The following FAT4 variants were observed in gnomAD, a reference collection of about 807,000 sequenced individuals.
FAT4 encodes the protein protocadherin Fat 4.
In FAT4, 84 loss-of-function variants were observed where a neutral mutation model predicts 303.9. That is an observed-to-expected ratio of 0.28 (90% CI 0.23 to 0.33). The LOEUF (loss-of-function observed/expected upper bound fraction) is 0.33, where lower values mean the gene tolerates loss of function less well. FAT4 is among the 10% of genes least tolerant of loss of function. The pLI, the probability that FAT4 is intolerant of heterozygous loss-of-function variation, is 1.00. For synonymous variants in FAT4, 2,307 were observed against 2,298.8 expected, an observed-to-expected ratio of 1.00 and a Z score of -0.10; for missense variants, 6,005 against 6,146.8, an observed-to-expected ratio of 0.98 and a Z score of 0.77.
intron 5 of FAT4, among the ~76,000 whole-genome samples, chr4:125,410,489 T>C (rs138897510): frequency 1.1e-4 from 17 of 152,304 alleles, no homozygotes; most frequent in Non-Finnish European, 2.4e-4. Flanking sequence ...TTTTAGTTAG[T>C]CTACCTATTC....
chr4:125,403,456 C>CT (rs1434002547), intron 3 of FAT4, among the ~76,000 whole-genome samples: 1 of 152,058 alleles, frequency 6.6e-6, no homozygotes, highest in African/African-American at 2.4e-5. Flanking sequence ...TGCTTCTCTT[C>CT]TTTTTTCCCA....
At chr4:125,347,177 T>G (rs1306503768) in intron 2 of FAT4, among the ~76,000 whole-genome samples, 1 of 151,006 alleles carries the variant, frequency 6.6e-6, no homozygotes. Flanking sequence ...AGATATATAT[T>G]ACCAATCATA....
chr4:125,375,632 C>T (rs1438272332), intron 2 of FAT4, among the ~76,000 whole-genome samples: 1 of 152,170 alleles, frequency 6.6e-6, no homozygotes, highest in Non-Finnish European at 1.5e-5. Context: ...TGGCCTAGTT[C>T]AGTAATTTTC....
At position 125,320,191 on chromosome 4, in the gene FAT4, A is replaced by G. The variant is rs779307316; in HGVS notation, c.3780A>G (p.Ile1260Met). Residue 1260 changes from isoleucine to methionine, a missense_variant, in exon 2 of 18, where the codon ATA becomes ATG. Physicochemically the swap from Ile to Met is conservative, Grantham distance 10. Transcript: ENST00000394329. ...IKGNEERQFA[I>M]DSTSGQVTLI... Reference sequence around the variant, plus strand: ...GAAATGAAGAAAGACAGTTTGCTATAGACAGTACCTCTGGTCAGGTAACAC... The same window carrying G: ...GAAATGAAGAAAGACAGTTTGCTATGGACAGTACCTCTGGTCAGGTAACAC... The G allele has an allele frequency of 3.1e-6, 5 of 1,613,598 alleles. No individual in the cohort carries two copies. In the African/African-American group the frequency reaches 6.7e-5, roughly 22 times the overall value.
intron 2 of FAT4, among the ~76,000 whole-genome samples, chr4:125,392,413 T>TGTTA (rs60954836): frequency 0.06 from 9,178 of 152,224 alleles, 420 homozygotes; most frequent in East Asian, 0.19. Context: ...ATGCATCAGG[T>TGTTA]GTTACTATTT....
chr4:125,335,196 T>C (rs1237405894), intron 2 of FAT4, among the ~76,000 whole-genome samples: 2 of 152,164 alleles, frequency 1.3e-5, no homozygotes, highest in African/African-American at 2.4e-5. Context: ...AGGTGTCTAT[T>C]ATTGTGTTTT....
At chr4:125,416,743 C>G in intron 7 of FAT4, 121 bp downstream of exon 7, 1 of 877,598 alleles carries the variant, frequency 1.1e-6, no homozygotes, top group Non-Finnish European at 1.8e-6. Context: ...GTCGGGAGTT[C>G]AAGACCAGCC....
chr4:125,318,952 G>T lies in FAT4; in HGVS notation c.2541G>T (p.Gln847His), dbSNP rs1488820136. The T allele has an allele frequency of 1.9e-6, 3 of 1,614,184 alleles. No individual in the cohort carries two copies. Among genetic ancestry groups the T allele is most frequent in the African/African-American group, 2.7e-5 (2 of 75,048 alleles). Residue 847 changes from glutamine (Q) to histidine (H), a missense_variant, in exon 2 of 18, where the codon CAG (glutamine) becomes CAT (histidine). Gln to His is a conservative substitution (Grantham distance 24, BLOSUM62 0). Transcript: ENST00000394329. Reference sequence around the variant, plus strand: ...TTGCTATCAACCAGGTCACTGGGCAGCTTACCACAGCAAATGTGATTGATA... The same window carrying T: ...TTGCTATCAACCAGGTCACTGGGCATCTTACCACAGCAAATGTGATTGATA... Reference protein sequence around the residue: ...GMFAINQVTGQLTTANVIDRE... With the variant: ...GMFAINQVTGHLTTANVIDRE...
intron 2 of FAT4, among the ~76,000 whole-genome samples, chr4:125,350,401 A>G (rs1732176214): frequency 6.6e-6 from 1 of 151,660 alleles, no homozygotes; most frequent in Admixed American, 6.6e-5. Flanking sequence ...ACTTCATCCT[A>G]CTTCACTTAA....
At chr4:125,442,602 T>C (rs1004226443) in intron 8 of FAT4, among the ~76,000 whole-genome samples, 2 of 152,112 alleles carry the variant, frequency 1.3e-5, no homozygotes, top group East Asian at 3.9e-4. Context: ...TTATCAAAAA[T>C]ATTAGATAAA....
chr4:125,370,672 C>A (rs1578568211), intron 2 of FAT4, among the ~76,000 whole-genome samples: 2 of 152,010 alleles, frequency 1.3e-5, no homozygotes, highest in African/African-American at 4.8e-5. Flanking sequence ...GTAAGGTAAA[C>A]CTGATTACTC....
intron 14 of FAT4, among the ~76,000 whole-genome samples, chr4:125,478,062 C>T (rs1727095311): frequency 6.6e-6 from 1 of 151,966 alleles, no homozygotes; most frequent in South Asian, 2.1e-4. Context: ...TAGTTATTTC[C>T]AATTTTATTA....
At position 125,481,631 on chromosome 4, in the gene FAT4, A is replaced by C. The variant is rs1326500447; in HGVS notation, c.12715A>C (p.Met4239Leu). 4 of 1,614,096 alleles carry C rather than the reference A, an allele frequency of 2.5e-6. No homozygotes were observed. The highest frequency in any genetic ancestry group is 3.4e-6 in the Non-Finnish European group (4 of 1,179,964). Reference protein sequence around the residue: ...YLLRQSLRGAMLEPFGVNSLE... With the variant: ...YLLRQSLRGALLEPFGVNSLE... ...GTTAAGGCAAAGCTTACGAGGTGCCATGTTGGAGCCTTTTGGTGTGAACAG... is the reference window on the plus strand; with the variant it reads ...GTTAAGGCAAAGCTTACGAGGTGCCCTGTTGGAGCCTTTTGGTGTGAACAG... Residue 4239 changes from methionine (M) to leucine (L), a missense_variant, in exon 16 of 18, where the codon ATG becomes CTG. Met to Leu is a conservative substitution (Grantham distance 15). Coordinates refer to ENST00000394329, the MANE Select transcript of FAT4 (RefSeq NM_001291303.3).
At chr4:125,378,600 A>G (rs1341652977) in intron 2 of FAT4, among the ~76,000 whole-genome samples, 1 of 152,262 alleles carries the variant, frequency 6.6e-6, no homozygotes, top group Middle Eastern at 3.4e-3. Flanking sequence ...TACTTGTACT[A>G]TATTTTCTCT....
chr4:125,332,373 C>T lies in FAT4; in HGVS notation c.5175+10787C>T, dbSNP rs1383288375. ...TGGTGTTAATGCTATTTTTCATCCA[C>T]TATTGTATTGTTGTTGACATAATTT... On this transcript the variant is annotated intron_variant, in intron 2 of 17. Coordinates refer to ENST00000394329, the MANE Select transcript of FAT4 (RefSeq NM_001291303.3). 2.0e-5 allele frequency among the ~76,000 whole-genome samples: 3 copies of T among 152,202 alleles called. No homozygotes were observed. In the East Asian group the frequency reaches 5.8e-4, roughly 29 times the overall value.
chr4:125,455,604 C>T (rs553515533), intron 10 of FAT4, among the ~76,000 whole-genome samples: 27 of 152,260 alleles, frequency 1.8e-4, no homozygotes, highest in Admixed American at 1.6e-3. Flanking sequence ...AGACAACTTG[C>T]CTCCAGCCAT....
At chr4:125,402,988 T>C (rs769482516) in intron 3 of FAT4, among the ~76,000 whole-genome samples, 27 of 152,082 alleles carry the variant, frequency 1.8e-4, no homozygotes, top group South Asian at 6.2e-4. Context: ...TCTGATACTG[T>C]ATTTTCCCAT....
rs1726041652 is a variant in FAT4, at chr4:125,450,963, T to A, written c.9953T>A (p.Ile3318Asn). 1 of 1,614,016 alleles carries A rather than the reference T, an allele frequency of 6.2e-7. No homozygotes were observed. The highest frequency in any genetic ancestry group is 1.3e-5 in the African/African-American group (1 of 74,928). Residue 3318 changes from isoleucine to asparagine, a missense_variant, in exon 10 of 18, where the codon ATT (isoleucine) becomes AAT (asparagine). Coordinates refer to ENST00000394329, the MANE Select transcript of FAT4 (RefSeq NM_001291303.3). The stretch of plus-strand genomic sequence containing the variant: ...TCAGAAGCAGCTCCTAAAGGTACTA[T>A]TGTTGGAGAAGTGTTTGCTAGCGAC... ...EISEAAPKGTIVGEVFASDRD... is the reference protein window; with the variant it reads ...EISEAAPKGTNVGEVFASDRD...
Position 125,319,295 on chromosome 4 carries a change from T to C in FAT4, c.2884T>C (p.Tyr962His). ...LGPLDVHAGS[Y>H]QIEILASDMG... Reference sequence around the variant, plus strand: ...GCCCCTGGATGTTCATGCTGGCTCCTACCAAATAGAGATCTTGGCATCTGA... The same window carrying C: ...GCCCCTGGATGTTCATGCTGGCTCCCACCAAATAGAGATCTTGGCATCTGA... The change falls in exon 2 of 18, where the codon TAC becomes CAC. Residue 962 changes from tyrosine to histidine, a missense_variant. Transcript: ENST00000394329. 2.5e-6 allele frequency: 4 copies of C among 1,614,156 alleles called. No homozygotes were observed. Among genetic ancestry groups the C allele is most frequent in the Non-Finnish European group, 3.4e-6 (4 of 1,180,020 alleles).
Sources: allele counts gnomAD v4.1 joint callset (sites outside exome capture counted in the v4.1 genomes callset), GRCh38; gene constraint gnomAD v4.1.1; transcripts MANE v1.5; gene names NCBI Gene and HGNC (gene_info 2026-07-23, HGNC 2026-07-21).